The following PTPRQ variants were observed in gnomAD, a reference collection of about 807,000 sequenced individuals.
PTPRQ encodes the protein phosphatidylinositol phosphatase PTPRQ.
PTPRQ carries 199 observed loss-of-function variants against 246.0 expected under a neutral mutation model. That is an observed-to-expected ratio of 0.81 (90% confidence interval 0.72 to 0.91). The LOEUF is 0.91. Among genes scored for constraint, PTPRQ ranks in the 40% least tolerant of loss-of-function variants. PTPRQ has a pLI of 0.00. For missense variants in PTPRQ, 2,624 were observed against 2,528.4 expected (o/e 1.04, Z -0.81); for synonymous variants, 869 against 853.2 (o/e 1.02, Z -0.32).
intron 25 of PTPRQ, among the ~76,000 whole-genome samples, chr12:80,569,733 C>T (rs1198255851): frequency 5.3e-5 from 8 of 151,562 alleles, no homozygotes; most frequent in South Asian, 4.2e-4. Context: ...GCTATCCATC[C>T]CCTAGCCCCC....
chr12:80,657,927 A>G lies in PTPRQ; in HGVS notation c.6116-58A>G, dbSNP rs1900497882. ...CTCCTTTGTATTACTTTTATAGTAAAAAAAGTAGTAACAATTTAAAAAGCC... is the reference window on the plus strand; with the variant it reads ...CTCCTTTGTATTACTTTTATAGTAAGAAAAGTAGTAACAATTTAAAAAGCC... On this transcript the variant is annotated intron_variant, in intron 38 of 44. Transcript: ENST00000644991. The G allele has an allele frequency of 1.1e-5, 14 of 1,227,956 alleles. No homozygotes were observed. The Admixed American group carries it at 2.2e-4, about 19-fold the overall frequency. 76.1% of individuals were successfully genotyped at this position (1,227,956 alleles called of 1,614,324 possible).
chr12:80,541,903 G>A, intron 21 of PTPRQ, 58 bp downstream of exon 21: 1 of 1,475,192 alleles, frequency 6.8e-7, no homozygotes, highest in East Asian at 2.5e-5. Context: ...CATTTACATT[G>A]CTTTCTGATA....
In PTPRQ at chr12:80,495,348, T is replaced by C. The variant is rs549729194; in HGVS notation, c.1859T>C (p.Ile620Thr). 1.2e-4 allele frequency: 175 copies of C among 1,519,760 alleles called. No homozygotes were observed. In the South Asian group the frequency reaches 1.5e-3, roughly 13 times the overall value. The allele number at this position is 1,519,760 out of a possible 1,614,324, so 94.1% of individuals were successfully genotyped here. A position where few individuals can be genotyped will look rare whatever the true frequency, so the allele number is the denominator to read the frequency against. Residue 620 changes from isoleucine to threonine, a missense_variant, in exon 12 of 45, where the codon ATA becomes ACA. Physicochemically the swap from Ile to Thr is moderately conservative, Grantham distance 89. Transcript: ENST00000644991. ...DTNRAFQITTIDNSFLITGLK... is the reference protein window; with the variant it reads ...DTNRAFQITTTDNSFLITGLK... The stretch of plus-strand genomic sequence containing the variant: ...AACAGAGCATTCCAGATAACTACCA[T>C]AGATAACAGCTTTCTCATAACAGGT...
chr12:80,457,466 G>T, intron 3 of PTPRQ, 109 bp from the exon 4 acceptor site: 1 of 398,038 alleles, frequency 2.5e-6, no homozygotes, highest in Non-Finnish European at 4.5e-6. Flanking sequence ...TATTAAAAAA[G>T]TATCTTTGGC....
At chr12:80,526,868 A>G (rs1005580059) in intron 17 of PTPRQ, among the ~76,000 whole-genome samples, 4 of 152,108 alleles carry the variant, frequency 2.6e-5, no homozygotes, top group Non-Finnish European at 4.4e-5. Flanking sequence ...ATTTGAAACT[A>G]TTGAAGAAAA....
chr12:80,636,013 T>C (rs1899634578), intron 35 of PTPRQ, among the ~76,000 whole-genome samples: 1 of 152,224 alleles, frequency 6.6e-6, no homozygotes, highest in African/African-American at 2.4e-5. Context: ...TTTGCAAGTA[T>C]ATTTCCAGCA....
intron 16 of PTPRQ, among the ~76,000 whole-genome samples, chr12:80,508,930 T>C (rs1161007753): frequency 6.6e-6 from 1 of 152,082 alleles, no homozygotes; most frequent in Non-Finnish European, 1.5e-5. Context: ...TGCAACATAT[T>C]AGTTTCTAAG....
intron 26 of PTPRQ, among the ~76,000 whole-genome samples, chr12:80,603,425 G>A (rs1898208229): frequency 6.6e-6 from 1 of 151,564 alleles, no homozygotes; most frequent in African/African-American, 2.4e-5. Context: ...TAACAATCAG[G>A]TACTCTCTAG....
chr12:80,607,454 C>CCTT (rs1336469172), intron 27 of PTPRQ, among the ~76,000 whole-genome samples: 2 of 149,794 alleles, frequency 1.3e-5, no homozygotes, highest in Non-Finnish European at 3.0e-5. Flanking sequence ...TTCCTTCCTT[C>CCTT]CTTCCTTCCT....
chr12:80,521,629 C>A (rs1384859093), intron 17 of PTPRQ, among the ~76,000 whole-genome samples: 4 of 152,074 alleles, frequency 2.6e-5, no homozygotes, highest in Admixed American at 6.6e-5. Flanking sequence ...AATCCTTTCC[C>A]CATTGCTTTT....
chr12:80,677,106 T>C (rs1901169606), intron 43 of PTPRQ, among the ~76,000 whole-genome samples: 1 of 152,212 alleles, frequency 6.6e-6, no homozygotes, highest in East Asian at 1.9e-4. Context: ...AGTTTACACC[T>C]ATCATTCTTT....
chr12:80,473,868 G>C (rs1271398050), intron 8 of PTPRQ, among the ~76,000 whole-genome samples: 6 of 152,194 alleles, frequency 3.9e-5, no homozygotes, highest in Non-Finnish European at 4.4e-5. Flanking sequence ...AATTTGTCCT[G>C]TGTTTCATTC....
Position 80,678,674 on chromosome 12 carries a change from TTTG to T in PTPRQ, c.6814_6816del (p.Val2272del). The T allele has an allele frequency of 6.4e-7, 1 of 1,550,436 alleles. No individual in the cohort carries two copies. The highest frequency in any genetic ancestry group is 8.7e-7 in the Non-Finnish European group (1 of 1,146,200). Reference sequence around the variant, plus strand: ...TAAGGGAAGTAATCAGCCCATCTGTTTTGTTAACTATTCAGCACTTCAGAAGAT... The same window carrying T: ...TAAGGGAAGTAATCAGCCCATCTGTTTTAACTATTCAGCACTTCAGAAGAT... On this transcript the variant is annotated inframe_deletion, in exon 44 of 45. Coordinates refer to ENST00000644991, the MANE Select transcript of PTPRQ (RefSeq NM_001145026.2).
At chr12:80,672,825 T>C (rs541690684) in intron 42 of PTPRQ, among the ~76,000 whole-genome samples, 2 of 152,228 alleles carry the variant, frequency 1.3e-5, no homozygotes, top group South Asian at 2.1e-4. Context: ...ACTGAATATT[T>C]GGTCAATACA....
chr12:80,472,343 A>T, intron 8 of PTPRQ, 92 bp downstream of exon 8: 2 of 1,466,226 alleles, frequency 1.4e-6, no homozygotes, highest in Middle Eastern at 1.7e-4. Flanking sequence ...TTTGTTTTAC[A>T]TTTACTTAAA....
intron 35 of PTPRQ, among the ~76,000 whole-genome samples, chr12:80,648,286 C>T (rs953160415): frequency 6.6e-6 from 1 of 151,934 alleles, no homozygotes; most frequent in African/African-American, 2.4e-5. Flanking sequence ...ATTAATGATA[C>T]GCCCCTCTCT....
At chr12:80,537,953 C>CA (rs1896037480) in intron 19 of PTPRQ, among the ~76,000 whole-genome samples, 1 of 151,920 alleles carries the variant, frequency 6.6e-6, no homozygotes, top group African/African-American at 2.4e-5. Flanking sequence ...ACTAAAAATA[C>CA]AAAAAATTAG....
chr12:80,530,595 A>C (rs1895816243), intron 17 of PTPRQ, among the ~76,000 whole-genome samples: 1 of 152,178 alleles, frequency 6.6e-6, no homozygotes, highest in Admixed American at 6.5e-5. Flanking sequence ...AAATAAGTTT[A>C]TTTTTGTGAT....
chr12:80,582,626 C>G (rs1897479600), intron 25 of PTPRQ, among the ~76,000 whole-genome samples: 1 of 152,154 alleles, frequency 6.6e-6, no homozygotes, highest in Non-Finnish European at 1.5e-5. Context: ...ATGCTGGCAC[C>G]CTCATCTGAC....
Sources: gnomAD v4.1 joint callset for allele counts (sites outside exome capture counted in the v4.1 genomes callset) on GRCh38, gnomAD v4.1.1 for gene constraint, MANE v1.5 for transcripts, NCBI Gene and HGNC (gene_info 2026-07-23, HGNC 2026-07-21) for gene names.